KANSL3: variants seen among roughly 807,000 people sequenced by gnomAD.
KANSL3 encodes KAT8 regulatory NSL complex subunit 3.
In KANSL3, 16 loss-of-function variants were observed where a neutral mutation model predicts 89.2. That is an observed-to-expected ratio of 0.18 (90% CI 0.12 to 0.27). The LOEUF is 0.27. Ranked by LOEUF, KANSL3 falls within the 10% of genes least tolerant of loss-of-function variation. The pLI is 1.00. For synonymous variants in KANSL3, 385 were observed against 419.7 expected, an observed-to-expected ratio of 0.92 and a Z score of 1.01; for missense variants, 879 against 1,110.6, an observed-to-expected ratio of 0.79 and a Z score of 2.96.
chr2:96,592,955 A>T (rs1186652484), downstream of KANSL3, among the ~76,000 whole-genome samples: 2 of 151,966 alleles, frequency 1.3e-5, no homozygotes, highest in Admixed American at 1.3e-4. Context: ...GTTAGCCAAG[A>T]TCGCGCCATT....
Position 96,637,013 on chromosome 2 carries a change from A to G in KANSL3, c.123T>C (p.Tyr41=). Residue 41 remains tyrosine, a synonymous_variant, in exon 2 of 21, where the codon TAT becomes TAC. Coordinates refer to ENST00000431828, the MANE Select transcript of KANSL3 (RefSeq NM_001115016.3). ...CTGGGTGGGCACTCCAAGGCTTGGC[A>G]TAGCTATGATCCAGAAAAACCAGGT... ...ELDLVFLDHS[Y]AKPWSAHPDA... 1 of 1,551,646 alleles carries G rather than the reference A, an allele frequency of 6.4e-7. No homozygotes were observed. Among genetic ancestry groups the G allele is most frequent in the Non-Finnish European group, 8.7e-7 (1 of 1,146,976 alleles).
chr2:96,583,485 TC>T, the KANSL3 span, among the ~76,000 whole-genome samples: 1 of 152,228 alleles, frequency 6.6e-6, no homozygotes, highest in South Asian at 2.1e-4. Context: ...CTAGTTTTGT[TC>T]AAATTTGGAT....
intron 3 of KANSL3, among the ~76,000 whole-genome samples, chr2:96,622,095 CAGAG>C (rs2071398819): frequency 6.9e-6 from 1 of 144,324 alleles, no homozygotes; most frequent in African/African-American, 2.6e-5. Context: ...GCCTGGGCAA[CAGAG>C]AGAGACTCCA....
chr2:96,592,102 G>A (rs1012827284), downstream of KANSL3, among the ~76,000 whole-genome samples: 1 of 152,008 alleles, frequency 6.6e-6, no homozygotes, highest in Admixed American at 6.5e-5. Context: ...TCCTCATCTC[G>A]CTTGACCTGA....
At chr2:96,589,015 T>A (rs1458809302), downstream of KANSL3, among the ~76,000 whole-genome samples, 19 of 152,234 alleles carry the variant, frequency 1.2e-4, no homozygotes, top group Non-Finnish European at 1.5e-5. Flanking sequence ...ACCAGGAGAC[T>A]GTGGTAAGTT....
chr2:96,637,285 T>C, intron 1 of KANSL3, 100 bp from the exon 2 acceptor site: 2 of 587,160 alleles, frequency 3.4e-6, no homozygotes, highest in South Asian at 2.1e-5. Context: ...CTATCATTCC[T>C]ATTGAGTATC....
intron 20 of KANSL3, chr2:96,600,952 T>C (rs1355050596): frequency 1.1e-6 from 1 of 911,206 alleles, no homozygotes; most frequent in Non-Finnish European, 1.3e-6. Flanking sequence ...CAAGGCCAGC[T>C]TGGGCAACAT....
In KANSL3 at chr2:96,609,520, G is replaced by C; in HGVS notation, c.1362C>G (p.Ser454Arg). ...AKKKSEGLTQ[S>R]MVDRCIQDEI... ...TTACCTGAATACATCTGTCCACCAT[G>C]CTCTGAGTCAACCCTTCTGATTTCT... The change falls in exon 12 of 21, where the codon AGC becomes AGG. Residue 454 changes from serine (S) to arginine (R), a missense_variant. Coordinates refer to ENST00000431828, the MANE Select transcript of KANSL3 (RefSeq NM_001115016.3). 6.2e-7 allele frequency: 1 copy of C among 1,613,882 alleles called. No individual in the cohort carries two copies. The highest frequency in any genetic ancestry group is 8.5e-7 in the Non-Finnish European group (1 of 1,179,780).
intron 5 of KANSL3, chr2:96,615,593 A>C (rs1344765188): frequency 1.9e-6 from 2 of 1,080,872 alleles, no homozygotes; most frequent in Non-Finnish European, 2.5e-6. Context: ...TTTCAGAGAA[A>C]GAAAAAGGTT....
At chr2:96,606,562 G>A (rs184387975) in intron 14 of KANSL3, 200 of 173,268 alleles carry the variant, frequency 1.2e-3, no homozygotes, top group Non-Finnish European at 1.9e-3. Flanking sequence ...AGGAAGGAGG[G>A]TGTAGGGGAA....
At chr2:96,589,809 G>A (rs574411204), downstream of KANSL3, among the ~76,000 whole-genome samples, 2 of 151,894 alleles carry the variant, frequency 1.3e-5, no homozygotes, top group Non-Finnish European at 2.9e-5. Flanking sequence ...AAATTTAAAA[G>A]ACCACAATGA....
chr2:96,611,644 T>C (rs939014460), intron 9 of KANSL3, among the ~76,000 whole-genome samples: 10 of 152,150 alleles, frequency 6.6e-5, no homozygotes, highest in African/African-American at 1.9e-4. Flanking sequence ...TCACACTTGA[T>C]TGGACTGCAT....
At chr2:96,602,648 G>T in intron 18 of KANSL3, 105 bp downstream of exon 18, 1 of 875,936 alleles carries the variant, frequency 1.1e-6, no homozygotes, top group Non-Finnish European at 1.8e-6. Context: ...AAGGCTGTTT[G>T]TCCTTGATCC....
intron 19 of KANSL3, 71 bp from the exon 20 acceptor site, chr2:96,601,847 G>T: frequency 6.8e-7 from 1 of 1,477,726 alleles, no homozygotes; most frequent in Non-Finnish European, 9.0e-7. Context: ...TTCCTTTCCT[G>T]GAGAGCTTCT....
chr2:96,604,903 T>C (rs534958942), intron 15 of KANSL3, 40 bp from the exon 16 acceptor site: 1 of 1,520,122 alleles, frequency 6.6e-7, no homozygotes, highest in Non-Finnish European at 8.9e-7. Context: ...GTCAGTCCTA[T>C]TTGGCCTCTA....
At chr2:96,581,285 G>A in the KANSL3 span, among the ~76,000 whole-genome samples, 6 of 152,224 alleles carry the variant, frequency 3.9e-5, no homozygotes, top group South Asian at 2.1e-4. Context: ...TTAGCCAGGC[G>A]TGGTGGCACA....
At position 96,602,850 on chromosome 2, in the gene KANSL3, G is replaced by T. The variant is rs772852788; in HGVS notation, c.2162C>A (p.Ala721Asp). ...PGSSLPGATS[A>D]SSLLQGLSFS... ...GCTGAGGCCTTGGAGGAGGCTGCTGGCTGATGTGGCCCCTAAGAGAGGACA... is the reference window on the plus strand; with the variant it reads ...GCTGAGGCCTTGGAGGAGGCTGCTGTCTGATGTGGCCCCTAAGAGAGGACA... Residue 721 changes from alanine (A) to aspartate (D), a missense_variant, in exon 18 of 21, where the codon GCC (alanine) becomes GAC (aspartate). Physicochemically the swap from Ala to Asp is moderately radical, Grantham distance 126 (BLOSUM62 -2). Around this residue, in one of 6 missense-constraint regions of KANSL3, gnomAD observed 89 missense variants for 139.7 expected, o/e 0.64. Coordinates refer to ENST00000431828, the MANE Select transcript of KANSL3 (RefSeq NM_001115016.3). 6.2e-7 allele frequency: 1 copy of T among 1,613,874 alleles called. No homozygotes were observed. The highest frequency in any genetic ancestry group is 8.5e-7 in the Non-Finnish European group (1 of 1,179,840).
At chr2:96,599,669 T>C (rs969390965) in intron 20 of KANSL3, 2 of 472,952 alleles carry the variant, frequency 4.2e-6, no homozygotes, top group Non-Finnish European at 5.5e-6. Flanking sequence ...GAATAACATA[T>C]ATGTAATTTG....
At chr2:96,619,301 A>G in intron 5 of KANSL3, 58 bp downstream of exon 5, 1 of 1,498,842 alleles carries the variant, frequency 6.7e-7, no homozygotes, top group Non-Finnish European at 9.0e-7. Context: ...CCACATCCTG[A>G]ACCCACAGGG....
Sources: gnomAD v4.1 joint callset for allele counts (sites outside exome capture counted in the v4.1 genomes callset) on GRCh38, gnomAD v4.1.1 for gene constraint, gnomAD v4.1.1 regional missense constraint, MANE v1.5 for transcripts, NCBI Gene and HGNC (gene_info 2026-07-23, HGNC 2026-07-21) for gene names.